IL16: variants seen among roughly 807,000 people sequenced by gnomAD.
IL16 encodes interleukin 16.
IL16 carries 67 observed loss-of-function variants against 110.1 expected under a neutral mutation model. The observed-to-expected ratio is 0.61, with a 90% CI of 0.50 to 0.75. IL16 has a LOEUF of 0.75. Ranked by LOEUF, IL16 falls within the 30% of genes least tolerant of loss-of-function variation. The probability of loss-of-function intolerance (pLI) is 0.00; values close to 1 mark genes in which losing one functional copy is unlikely to be tolerated. For synonymous variants in IL16, 689 were observed against 662.9 expected (o/e 1.04, Z -0.61); for missense variants, 1,545 against 1,655.0 (o/e 0.93, Z 1.15).
At chr15:81,246,530 A>G (rs575866769) in intron 2 of IL16, among the ~76,000 whole-genome samples, 1 of 152,300 alleles carries the variant, frequency 6.6e-6, no homozygotes, top group African/African-American at 2.4e-5. Flanking sequence ...CCCTGGATTC[A>G]GTCGACTATG....
intron 2 of IL16, among the ~76,000 whole-genome samples, chr15:81,254,032 A>G (rs67689826): frequency 0.15 from 23,053 of 152,176 alleles, 2,036 homozygotes; most frequent in Middle Eastern, 0.22. Flanking sequence ...GGAGGATCAA[A>G]GCCTGTAGCC....
chr15:81,245,878 C>T (rs955327960), intron 2 of IL16, among the ~76,000 whole-genome samples: 1 of 151,762 alleles, frequency 6.6e-6, no homozygotes, highest in African/African-American at 2.4e-5. Context: ...CTTCTTGCTA[C>T]CTTTCAGAGT....
At chr15:81,247,087 T>C (rs1897587070) in intron 2 of IL16, among the ~76,000 whole-genome samples, 1 of 147,858 alleles carries the variant, frequency 6.8e-6, no homozygotes. Flanking sequence ...TTTTTTTTTT[T>C]TTTTTTTTTG....
chr15:81,260,058 C>T (rs1011140214), intron 3 of IL16, among the ~76,000 whole-genome samples, 178 bp downstream of exon 3: 6 of 152,174 alleles, frequency 3.9e-5, no homozygotes, highest in African/African-American at 1.4e-4. Flanking sequence ...GTCTAGCCAG[C>T]TCTCCTCATG....
At chr15:81,228,874 C>T (rs1255470440) in intron 2 of IL16, among the ~76,000 whole-genome samples, 1 of 152,148 alleles carries the variant, frequency 6.6e-6, no homozygotes, top group Admixed American at 6.5e-5. Flanking sequence ...AGACAATCCA[C>T]TTTACCTCTC....
At chr15:81,271,353 G>T (rs1434485592) in intron 5 of IL16, among the ~76,000 whole-genome samples, 1 of 151,994 alleles carries the variant, frequency 6.6e-6, no homozygotes, top group Non-Finnish European at 1.5e-5. Flanking sequence ...CATGCCTGTA[G>T]TCCCAGCTGC....
At chr15:81,200,342 A>T (rs899738537) in intron 1 of IL16, among the ~76,000 whole-genome samples, 8 of 151,710 alleles carry the variant, frequency 5.3e-5, no homozygotes, top group Admixed American at 1.3e-4. Flanking sequence ...TTTAATTTTT[A>T]AAATTCTTTA....
At chr15:81,263,853 G>A (rs539819048) in intron 3 of IL16, among the ~76,000 whole-genome samples, 1 of 152,308 alleles carries the variant, frequency 6.6e-6, no homozygotes, top group Non-Finnish European at 1.5e-5. Flanking sequence ...GGATTCTGGA[G>A]GCTGAGGTCA....
At chr15:81,213,631 T>C (rs1419522636) in intron 1 of IL16, among the ~76,000 whole-genome samples, 5 of 152,224 alleles carry the variant, frequency 3.3e-5, no homozygotes, top group Admixed American at 3.3e-4. Flanking sequence ...GTATCCTTTA[T>C]TATTATATAA....
intron 10 of IL16, chr15:81,290,050 G>C: frequency 2.8e-6 from 1 of 350,996 alleles, no homozygotes; most frequent in South Asian, 2.3e-5. Context: ...TAAACTGTGA[G>C]TCACAGCTCA....
At chr15:81,189,184 C>G (rs2141916997) in intron 1 of IL16, among the ~76,000 whole-genome samples, 1 of 148,488 alleles carries the variant, frequency 6.7e-6, no homozygotes, top group East Asian at 2.0e-4. Flanking sequence ...AGTGCAGTGG[C>G]ACGATCTTGG....
At chr15:81,213,081 T>C (rs73499324) in intron 1 of IL16, among the ~76,000 whole-genome samples, 7,771 of 152,302 alleles carry the variant, frequency 0.051, 352 homozygotes, top group East Asian at 0.16. Flanking sequence ...TGGTAAGTTG[T>C]ATCCCTATTT....
At chr15:81,271,392 G>C (rs1898633884) in intron 5 of IL16, among the ~76,000 whole-genome samples, 1 of 152,202 alleles carries the variant, frequency 6.6e-6, no homozygotes, top group Non-Finnish European at 1.5e-5. Flanking sequence ...AGGATTGCTT[G>C]AGTCCGGGAA....
intron 2 of IL16, among the ~76,000 whole-genome samples, chr15:81,231,328 C>G (rs571271749): frequency 0.017 from 1,492 of 87,248 alleles, 36 homozygotes; most frequent in African/African-American, 0.085. Context: ...CGGTCTGTCT[C>G]TCTCTCTCTC....
intron 10 of IL16, among the ~76,000 whole-genome samples, chr15:81,286,410 G>C (rs879222491): frequency 6.6e-6 from 1 of 152,198 alleles, no homozygotes; most frequent in Non-Finnish European, 1.5e-5. Flanking sequence ...CAATGTCACA[G>C]AGTCAAAAAG....
At position 81,299,704 on chromosome 15, in the gene IL16, G is replaced by A. The variant is rs762549854; in HGVS notation, c.2378G>A (p.Arg793His). The A allele has an allele frequency of 1.5e-5, 25 of 1,614,060 alleles. No homozygotes were observed. In the East Asian group the frequency reaches 1.8e-4, roughly 12 times the overall value. The change falls in exon 14 of 19, where the codon CGC becomes CAC. Residue 793 changes from arginine to histidine, a missense_variant. Coordinates refer to ENST00000683961, the MANE Select transcript of IL16 (RefSeq NM_172217.5). Reference sequence around the variant, plus strand: ...GTGGCTCCCAAGCCAGCCTGGTTTCGCCAAAGCTTGAAAGGTTTGAGGAAT... The same window carrying A: ...GTGGCTCCCAAGCCAGCCTGGTTTCACCAAAGCTTGAAAGGTTTGAGGAAT... ...PPVAPKPAWF[R>H]QSLKGLRNRA...
At position 81,279,799 on chromosome 15, in the gene IL16, G is replaced by T. The variant is rs184301414; in HGVS notation, c.1081+25G>T. 5 of 1,598,884 alleles carry T rather than the reference G, an allele frequency of 3.1e-6. No homozygotes were observed. The Admixed American group carries it at 6.7e-5, about 21-fold the overall frequency. ...GGTAGGAGTGCTGCAGCTGTGTCCCGTGCCTGGGTCTCCCAGCACTGGCTG... is the reference window on the plus strand; with the variant it reads ...GGTAGGAGTGCTGCAGCTGTGTCCCTTGCCTGGGTCTCCCAGCACTGGCTG... On this transcript the variant is annotated intron_variant, in intron 8 of 18. Coordinates refer to ENST00000683961, the MANE Select transcript of IL16 (RefSeq NM_172217.5).
At chr15:81,291,824 G>A (rs954913858) in intron 11 of IL16, 6 of 435,776 alleles carry the variant, frequency 1.4e-5, no homozygotes, top group Admixed American at 4.8e-5. Context: ...TGACTTCTTC[G>A]TGTAAGATTC....
rs922003657 is a variant in IL16 at position 81,313,466 on chromosome 15, G to C, written c.*4668G>C. On this transcript the variant is annotated 3_prime_UTR_variant, in exon 19 of 19. Coordinates refer to ENST00000683961, the MANE Select transcript of IL16 (RefSeq NM_172217.5). ...GCAGAGGTGCTGGGGACGAGCGCCA[G>C]GCAGGTGAGCAGAGCCCAGCCCAGT... is the stretch of plus-strand genomic sequence containing the variant. 1.2e-4 allele frequency: 178 copies of C among 1,429,036 alleles called. 1 individual carries two copies. The South Asian group carries it at 1.8e-3, about 15-fold the overall frequency. 88.5% of individuals were successfully genotyped at this position (1,429,036 alleles called of 1,614,324 possible). A position where few individuals can be genotyped will look rare whatever the true frequency, so the allele number is the denominator to read the frequency against.
Sources: allele counts gnomAD v4.1 joint callset (sites outside exome capture counted in the v4.1 genomes callset), GRCh38; gene constraint gnomAD v4.1.1; transcripts MANE v1.5; gene names NCBI Gene and HGNC (gene_info 2026-07-23, HGNC 2026-07-21).